GRAMD2B: variants seen among roughly 807,000 people sequenced by gnomAD.
The protein encoded by GRAMD2B is GRAM domain-containing protein 2B.
In GRAMD2B, 41 loss-of-function variants were observed where a neutral mutation model predicts 59.2. The ratio of observed to expected loss-of-function variants is 0.69; its 90% CI spans 0.54 to 0.90. The LOEUF is 0.90. Ranked by LOEUF, GRAMD2B falls within the 40% of genes least tolerant of loss-of-function variation. The pLI is 0.00. For missense variants in GRAMD2B, 424 were observed against 500.5 expected (o/e 0.85, Z 1.46); for synonymous variants, 161 against 182.7 (o/e 0.88, Z 0.96).
chr5:126,453,258 C>T (rs1315689772), intron 1 of GRAMD2B, among the ~76,000 whole-genome samples: 1 of 151,540 alleles, frequency 6.6e-6, no homozygotes, highest in Non-Finnish European at 1.5e-5. Context: ...TTGTTTGAAC[C>T]CAGGAGGTGG....
At chr5:126,474,080 C>T (rs1770121938) in intron 5 of GRAMD2B, among the ~76,000 whole-genome samples, 1 of 152,222 alleles carries the variant, frequency 6.6e-6, no homozygotes, top group Non-Finnish European at 1.5e-5. Flanking sequence ...AAAGATAATT[C>T]TATCCCACTG....
intron 1 of GRAMD2B, among the ~76,000 whole-genome samples, chr5:126,444,446 A>G (rs1364966771): frequency 1.3e-5 from 2 of 152,224 alleles, no homozygotes; most frequent in African/African-American, 4.8e-5. Flanking sequence ...TTTTTGTTCT[A>G]AGAATTGGCA....
chr5:126,406,017 A>G (rs1422539532), intron 1 of GRAMD2B, among the ~76,000 whole-genome samples: 1 of 152,032 alleles, frequency 6.6e-6, no homozygotes, highest in Admixed American at 6.6e-5. Flanking sequence ...CTCATTTGTC[A>G]TAATTTGAAG....
At chr5:126,389,153 G>A (rs1160238832) in intron 1 of GRAMD2B, among the ~76,000 whole-genome samples, 1 of 152,158 alleles carries the variant, frequency 6.6e-6, no homozygotes, top group Non-Finnish European at 1.5e-5. Flanking sequence ...AACTTATCAT[G>A]TTGCACTTTA....
intron 1 of GRAMD2B, chr5:126,462,564 G>A: frequency 3.2e-6 from 1 of 311,732 alleles, no homozygotes; most frequent in Non-Finnish European, 4.7e-6. Context: ...CTTCCTCTTT[G>A]AGATACTACA....
intron 1 of GRAMD2B, among the ~76,000 whole-genome samples, chr5:126,434,637 C>T (rs960360820): frequency 2.0e-5 from 3 of 152,094 alleles, no homozygotes; most frequent in African/African-American, 4.8e-5. Context: ...CCTGCCTCAG[C>T]CTCCCGAGTA....
At chr5:126,466,240 G>C in intron 2 of GRAMD2B, 1 of 1,547,794 alleles carries the variant, frequency 6.5e-7, no homozygotes, top group Non-Finnish European at 8.7e-7. Flanking sequence ...ACTTCTTTTG[G>C]TCTTTGCTAA....
At chr5:126,412,300 T>G (rs1758879798) in intron 1 of GRAMD2B, among the ~76,000 whole-genome samples, 1 of 152,120 alleles carries the variant, frequency 6.6e-6, no homozygotes, top group Non-Finnish European at 1.5e-5. Context: ...CCTAGTTTCT[T>G]AAGAGTTTTT....
chr5:126,379,903 T>C (rs978304973), intron 1 of GRAMD2B, among the ~76,000 whole-genome samples: 1 of 152,242 alleles, frequency 6.6e-6, no homozygotes, highest in African/African-American at 2.4e-5. Flanking sequence ...CAGAAGCTTT[T>C]TAGTTTACTT....
chr5:126,394,972 T>C (rs1404446676), intron 1 of GRAMD2B, among the ~76,000 whole-genome samples: 1 of 152,118 alleles, frequency 6.6e-6, no homozygotes. Context: ...ATTAAAGTTA[T>C]AACTGTGGGT....
At chr5:126,485,607 A>G in intron 10 of GRAMD2B, 79 bp from the exon 11 acceptor site, 1 of 776,082 alleles carries the variant, frequency 1.3e-6, no homozygotes, top group East Asian at 2.6e-5. Flanking sequence ...ACCTCTCTCA[A>G]GTACCCCATA....
intron 1 of GRAMD2B, among the ~76,000 whole-genome samples, chr5:126,400,936 G>A (rs78750728): frequency 0.062 from 9,425 of 152,004 alleles, 358 homozygotes; most frequent in African/African-American, 0.11. Context: ...GGTTGATCCC[G>A]TTTGGAAACT....
At chr5:126,439,559 C>A (rs111438155) in intron 1 of GRAMD2B, among the ~76,000 whole-genome samples, 2,154 of 152,174 alleles carry the variant, frequency 0.014, 24 homozygotes, top group Middle Eastern at 0.071. Context: ...CTCCTGACCT[C>A]AAGTGATCAT....
intron 1 of GRAMD2B, among the ~76,000 whole-genome samples, chr5:126,401,370 G>T (rs1376921728): frequency 6.6e-6 from 1 of 151,966 alleles, no homozygotes; most frequent in Non-Finnish European, 1.5e-5. Flanking sequence ...TTGTCTATCT[G>T]TGCTGTTTTA....
chr5:126,372,408 G>A (rs1028465712), intron 1 of GRAMD2B, among the ~76,000 whole-genome samples: 2 of 151,994 alleles, frequency 1.3e-5, no homozygotes, highest in East Asian at 1.9e-4. Flanking sequence ...AAATATGATC[G>A]TTGTTTTCTT....
rs991031107 is a variant in GRAMD2B at position 126,360,268 on chromosome 5, G to A, written c.-64G>A. 3.9e-6 allele frequency: 6 copies of A among 1,537,778 alleles called. No homozygotes were observed. In the Admixed American group the frequency reaches 7.9e-5, roughly 20 times the overall value. On this transcript the variant is annotated 5_prime_UTR_variant, in exon 1 of 14. Coordinates refer to the GRAMD2B transcript ENST00000513040. Reference sequence around the variant, plus strand: ...AGAGCTGTGGTTGGGCAGATCTGGTGTAAATACAAAGTTCCTTCCCGACAT... The same window carrying A: ...AGAGCTGTGGTTGGGCAGATCTGGTATAAATACAAAGTTCCTTCCCGACAT...
intron 8 of GRAMD2B, among the ~76,000 whole-genome samples, chr5:126,481,763 C>T (rs954647380): frequency 1.3e-5 from 2 of 151,876 alleles, no homozygotes; most frequent in African/African-American, 4.8e-5. Context: ...GTCAGGAGTT[C>T]GAGACCAGCC....
intron 1 of GRAMD2B, among the ~76,000 whole-genome samples, chr5:126,415,826 AAG>A (rs1759221903): frequency 6.6e-6 from 1 of 152,184 alleles, no homozygotes; most frequent in Non-Finnish European, 1.5e-5. Context: ...AAAAAAGAAA[AAG>A]AAAATATATT....
chr5:126,411,862 T>TGTGTGTGTGTGTG (rs1580844089), intron 1 of GRAMD2B, among the ~76,000 whole-genome samples: 6 of 32,304 alleles, frequency 1.9e-4, no homozygotes, highest in African/African-American at 5.3e-4. Context: ...GTGTGTGTGT[T>TGTGTGTGTGTGTG]TGTGTGTCTA....
Sources: gnomAD v4.1 joint callset for allele counts (sites outside exome capture counted in the v4.1 genomes callset) on GRCh38, gnomAD v4.1.1 for gene constraint, MANE v1.5 for transcripts, NCBI Gene and HGNC (gene_info 2026-07-23, HGNC 2026-07-21) for gene names.